The following RAB31 variants were observed in gnomAD, a reference collection of about 807,000 sequenced individuals.
RAB31 encodes the protein ras-related protein Rab-31.
Under a neutral mutation model 25.6 loss-of-function variants are expected in RAB31, and 21 were observed. The observed-to-expected ratio is 0.82, with a 90% CI of 0.58 to 1.18. The LOEUF (loss-of-function observed/expected upper bound fraction) is 1.18. Among genes scored for constraint, RAB31 ranks in the 50% most tolerant of loss-of-function variants. RAB31 has a pLI of 0.00. For missense variants in RAB31, 196 were observed against 250.1 expected (o/e 0.78, Z 1.46); for synonymous variants, 87 against 84.0 (o/e 1.04, Z -0.20).
intron 5 of RAB31, among the ~76,000 whole-genome samples, 194 bp from the exon 6 acceptor site, chr18:9,845,388 A>G (rs537981757): frequency 7.2e-5 from 11 of 152,312 alleles, no homozygotes; most frequent in African/African-American, 2.4e-4. Context: ...TCTTCTCTTC[A>G]TGAATGCCAG....
intron 1 of RAB31, among the ~76,000 whole-genome samples, chr18:9,745,429 T>C (rs1598455): frequency 0.92 from 139,962 of 152,252 alleles, 64,496 homozygotes; most frequent in Admixed American, 0.94. Context: ...AGGGAATACA[T>C]CTAATTTATT....
chr18:9,712,527 TAAC>T (rs538452449), intron 1 of RAB31, among the ~76,000 whole-genome samples: 99 of 152,306 alleles, frequency 6.5e-4, no homozygotes, highest in Non-Finnish European at 1.2e-3. Context: ...CAAAGTATGT[TAAC>T]AACAACAACA....
intron 3 of RAB31, among the ~76,000 whole-genome samples, chr18:9,808,068 T>C (rs557720703): frequency 6.6e-6 from 1 of 152,336 alleles, no homozygotes; most frequent in Admixed American, 6.5e-5. Context: ...TTCTGCTAAA[T>C]GAGGCTTGCA....
chr18:9,801,269 C>A (rs1461145975), intron 3 of RAB31, among the ~76,000 whole-genome samples: 6 of 151,170 alleles, frequency 4.0e-5, no homozygotes, highest in African/African-American at 1.5e-4. Flanking sequence ...CATTCATGTA[C>A]AATTCTTTGT....
intron 1 of RAB31, among the ~76,000 whole-genome samples, chr18:9,760,798 A>G (rs928571176): frequency 3.9e-5 from 6 of 152,202 alleles, no homozygotes; most frequent in African/African-American, 1.4e-4. Context: ...AGGAACTGAA[A>G]CAGCCCCATC....
At chr18:9,802,160 A>G (rs140557439) in intron 3 of RAB31, among the ~76,000 whole-genome samples, 2 of 152,154 alleles carry the variant, frequency 1.3e-5, no homozygotes, top group African/African-American at 2.4e-5. Flanking sequence ...TATTCTGTGT[A>G]TGTTGCATTT....
At position 9,860,730 on chromosome 18, in the gene RAB31, C is replaced by T. The variant is rs1026255121; in HGVS notation, c.*1405C>T. On this transcript the variant is annotated 3_prime_UTR_variant, in exon 7 of 7. Coordinates refer to ENST00000578921, the MANE Select transcript of RAB31 (RefSeq NM_006868.4). The stretch of plus-strand genomic sequence containing the variant: ...GTGTGCTAGCCAGGGCCAGCTGGTA[C>T]CTTCTTTGCCATGAGCATTCAAGGG... The T allele has an allele frequency of 2.0e-5, 3 of 152,178 alleles. No individual in the cohort carries two copies. Among genetic ancestry groups the T allele is most frequent in the African/African-American group, 7.2e-5 (3 of 41,430 alleles). 9.4% of individuals were successfully genotyped at this position (152,178 alleles called of 1,614,324 possible). A position where few individuals can be genotyped will look rare whatever the true frequency, so the allele number is the denominator to read the frequency against.
At chr18:9,783,268 G>C (rs571295553) in intron 2 of RAB31, among the ~76,000 whole-genome samples, 10 of 152,284 alleles carry the variant, frequency 6.6e-5, no homozygotes, top group Admixed American at 2.6e-4. Context: ...GGCTTTACGG[G>C]CTGGTTCATT....
chr18:9,792,346 G>T, intron 3 of RAB31, 111 bp downstream of exon 3: 1 of 1,465,256 alleles, frequency 6.8e-7, no homozygotes, highest in East Asian at 2.6e-5. Context: ...CAGAAACCTA[G>T]CTTGAAATGA....
intron 5 of RAB31, among the ~76,000 whole-genome samples, chr18:9,835,343 G>A (rs2068698774): frequency 6.6e-6 from 1 of 151,524 alleles, no homozygotes; most frequent in African/African-American, 2.5e-5. Flanking sequence ...CTTTCCAGTG[G>A]TTCTTTCTCT....
At chr18:9,779,919 A>C (rs186580049) in intron 2 of RAB31, among the ~76,000 whole-genome samples, 1 of 152,342 alleles carries the variant, frequency 6.6e-6, no homozygotes, top group African/African-American at 2.4e-5. Flanking sequence ...TCCTGCCTAT[A>C]ATCCCAGCAC....
chr18:9,715,492 A>G (rs1242188355), intron 1 of RAB31, among the ~76,000 whole-genome samples: 4 of 150,254 alleles, frequency 2.7e-5, no homozygotes, highest in Non-Finnish European at 4.4e-5. Context: ...CAGCAGGAGT[A>G]ACATTTTGTC....
intron 6 of RAB31, among the ~76,000 whole-genome samples, chr18:9,858,293 G>A (rs1344313775): frequency 6.6e-6 from 1 of 152,182 alleles, no homozygotes; most frequent in African/African-American, 2.4e-5. Context: ...CACAGGGCGA[G>A]GTGAGGATGG....
At chr18:9,753,722 G>T (rs1049157424) in intron 1 of RAB31, among the ~76,000 whole-genome samples, 2 of 152,134 alleles carry the variant, frequency 1.3e-5, no homozygotes, top group Non-Finnish European at 2.9e-5. Context: ...CATGGGAATT[G>T]GCTCTAACCC....
chr18:9,839,509 C>G (rs372594106), intron 5 of RAB31, among the ~76,000 whole-genome samples: 2 of 152,126 alleles, frequency 1.3e-5, no homozygotes, highest in South Asian at 4.2e-4. Flanking sequence ...CTGTGAGAAG[C>G]GAAGAGGGGG....
intron 1 of RAB31, among the ~76,000 whole-genome samples, chr18:9,764,816 C>G (rs1365736032): frequency 1.3e-5 from 2 of 152,148 alleles, no homozygotes; most frequent in Non-Finnish European, 2.9e-5. Context: ...GGGCATTAAT[C>G]TAAATGCTTG....
At chr18:9,811,703 A>T (rs1281978453) in intron 3 of RAB31, among the ~76,000 whole-genome samples, 5 of 152,214 alleles carry the variant, frequency 3.3e-5, no homozygotes, top group Non-Finnish European at 7.4e-5. Flanking sequence ...ATTCCTGCTC[A>T]CAGAGACATA....
At chr18:9,812,298 G>A (rs76233510) in intron 3 of RAB31, among the ~76,000 whole-genome samples, 3,411 of 152,214 alleles carry the variant, frequency 0.022, 107 homozygotes, top group East Asian at 0.15. Flanking sequence ...CATAAACAGC[G>A]CAGGGATGTG....
intron 1 of RAB31, among the ~76,000 whole-genome samples, chr18:9,724,220 G>A (rs2068086099): frequency 8.0e-6 from 1 of 124,920 alleles, no homozygotes; most frequent in Non-Finnish European, 1.6e-5. Context: ...GCAGTAAGCC[G>A]AGATCCCGCC....
Sources: gnomAD v4.1 joint callset for allele counts (sites outside exome capture counted in the v4.1 genomes callset) on GRCh38, gnomAD v4.1.1 for gene constraint, MANE v1.5 for transcripts, NCBI Gene and HGNC (gene_info 2026-07-23, HGNC 2026-07-21) for gene names.